MDM2: variants seen among roughly 807,000 people sequenced by gnomAD.
MDM2 encodes the protein MDM2 proto-oncogene, also known as E3 ubiquitin-protein ligase Mdm2.
Under a neutral mutation model 64.3 loss-of-function variants are expected in MDM2, and 11 were observed. That is an observed-to-expected ratio of 0.17 (90% confidence interval 0.11 to 0.28). The LOEUF is 0.28. Ranked by LOEUF, MDM2 falls within the 10% of genes least tolerant of loss-of-function variation. The probability of loss-of-function intolerance (pLI) is 1.00; values close to 1 mark genes in which losing one functional copy is unlikely to be tolerated. For synonymous variants in MDM2, 194 were observed against 192.9 expected (o/e 1.01, Z -0.05); for missense variants, 388 against 577.1 (o/e 0.67, Z 3.36).
At chr12:68,822,371 C>CTTTTTTT (rs142480058) in intron 5 of MDM2, among the ~76,000 whole-genome samples, 8 of 146,092 alleles carry the variant, frequency 5.5e-5, no homozygotes, top group African/African-American at 2.0e-4. Context: ...TTTTAAAGCT[C>CTTTTTTT]TTTTTTTTTT....
chr12:68,836,760 A>G lies in MDM2; in HGVS notation c.918+11A>G, dbSNP rs1249708320. The G allele has an allele frequency of 1.3e-6, 2 of 1,570,590 alleles. No individual in the cohort carries two copies. Among genetic ancestry groups the G allele is most frequent in the Non-Finnish European group, 1.7e-6 (2 of 1,143,304 alleles). On this transcript the variant is annotated intron_variant, in intron 10 of 10. Transcript: ENST00000258149. ...GAAATTTCCTTAGCTGTAAGTATAC[A>G]TCTACTTTTTTAAGAAATAAAAATT...
At chr12:68,832,279 A>G (rs1178818759) in intron 8 of MDM2, among the ~76,000 whole-genome samples, 1 of 152,092 alleles carries the variant, frequency 6.6e-6, no homozygotes, top group African/African-American at 2.4e-5. Flanking sequence ...GGTTTAATAA[A>G]TTGTGGGAAA....
intron 8 of MDM2, among the ~76,000 whole-genome samples, chr12:68,831,120 G>T (rs929298947): frequency 6.6e-6 from 1 of 152,170 alleles, no homozygotes; most frequent in Non-Finnish European, 1.5e-5. Context: ...GCTTTGAGGA[G>T]TAGAGGAACA....
chr12:68,820,479 TTTAA>T (rs1881753642), intron 5 of MDM2, 105 bp downstream of exon 5: 1 of 854,492 alleles, frequency 1.2e-6, no homozygotes, highest in Non-Finnish European at 1.9e-6. Context: ...TAAAAGTTGC[TTTAA>T]TTAAATATTG....
chr12:68,829,793 A>G (rs1882647977), intron 8 of MDM2, among the ~76,000 whole-genome samples: 1 of 150,904 alleles, frequency 6.6e-6, no homozygotes, highest in Non-Finnish European at 1.5e-5. Flanking sequence ...ATGCAGGTTT[A>G]TTATTGCATG....
At chr12:68,832,760 T>G (rs745991401) in intron 8 of MDM2, among the ~76,000 whole-genome samples, 4 of 151,868 alleles carry the variant, frequency 2.6e-5, no homozygotes, top group Non-Finnish European at 5.9e-5. Context: ...CTTATGTGAT[T>G]CTCCTGCTTT....
At chr12:68,834,536 A>G (rs547601727) in intron 8 of MDM2, among the ~76,000 whole-genome samples, 1 of 152,234 alleles carries the variant, frequency 6.6e-6, no homozygotes, top group South Asian at 2.1e-4. Context: ...CAGGAGTTCA[A>G]GACCAGCCTG....
chr12:68,819,656 TA>T (rs2136127085), intron 4 of MDM2, among the ~76,000 whole-genome samples: 1 of 152,260 alleles, frequency 6.6e-6, no homozygotes, highest in South Asian at 2.1e-4. Flanking sequence ...CATGCCCAGC[TA>T]ATTTTATATT....
chr12:68,823,124 T>G (rs1882003085), intron 5 of MDM2, among the ~76,000 whole-genome samples: 1 of 152,208 alleles, frequency 6.6e-6, no homozygotes, highest in Admixed American at 6.6e-5. Context: ...TAACCTATTA[T>G]GTACAACTTA....
At chr12:68,847,818 T>G (rs572500778), downstream of MDM2, 1 of 152,212 alleles carries the variant, frequency 6.6e-6, no homozygotes, top group African/African-American at 2.4e-5. Context: ...TGATTGGCAT[T>G]GAAAGCAACT....
Position 68,842,606 on chromosome 12 carries a change from A to T in MDM2, c.*2757A>T, listed in dbSNP as rs1216555811. 6.8e-6 allele frequency: 2 copies of T among 294,540 alleles called. No individual in the cohort carries two copies. The highest frequency in any genetic ancestry group is 6.6e-6 in the Non-Finnish European group (1 of 151,560). The allele number at this position is 294,540 out of a possible 1,614,324, so 18.2% of individuals were successfully genotyped here. The stretch of plus-strand genomic sequence containing the variant: ...GATATGTTTGTAAATACAGAAGTGA[A>T]ATGTGGACATAAAATAGTTACGCTA... On this transcript the variant is annotated 3_prime_UTR_variant, in exon 11 of 11. Transcript: ENST00000258149.
intron 8 of MDM2, among the ~76,000 whole-genome samples, chr12:68,832,689 CTT>C (rs570742144): frequency 6.8e-6 from 1 of 146,048 alleles, no homozygotes; most frequent in Admixed American, 6.9e-5. Flanking sequence ...ATTTTTTTTA[CTT>C]TTTTTTTTTC....
Position 68,843,264 on chromosome 12 carries a change from G to A in MDM2, c.*3415G>A. ...AAATAATGCTTTGAGGACCTCCAAA[G>A]GTAAAAGTACTAATCCCTTTGGCCA... On this transcript the variant is annotated 3_prime_UTR_variant, in exon 11 of 11. Coordinates refer to ENST00000258149, the MANE Select transcript of MDM2 (RefSeq NM_002392.6). 4.4e-6 allele frequency: 1 copy of A among 226,800 alleles called. No individual in the cohort carries two copies. The highest frequency in any genetic ancestry group is 6.4e-5 in the East Asian group (1 of 15,740). 14.0% of individuals were successfully genotyped at this position (226,800 alleles called of 1,614,324 possible).
rs752932923 is a variant in MDM2, at chr12:68,835,924, C to A, written c.780C>A (p.Leu260=). 1 of 1,613,514 alleles carries A rather than the reference C, an allele frequency of 6.2e-7. No homozygotes were observed. The highest frequency in any genetic ancestry group is 8.5e-7 in the Non-Finnish European group (1 of 1,179,634). ...QFSVEFEVES[L]DSEDYSLSEE... is the part of the protein sequence containing the mutation. Reference sequence around the variant, plus strand: ...GTGTAGAATTTGAAGTTGAATCTCTCGACTCAGAAGATTATAGCCTTAGTG... The same window carrying A: ...GTGTAGAATTTGAAGTTGAATCTCTAGACTCAGAAGATTATAGCCTTAGTG... Residue 260 remains leucine, a synonymous_variant, in exon 9 of 11, where the codon CTC becomes CTA. Transcript: ENST00000258149.
rs1883266721 is a variant in MDM2, at chr12:68,835,846, A to G, written c.702A>G (p.Val234=). Residue 234 remains valine, a synonymous_variant, in exon 9 of 11, where the codon GTA becomes GTG. Transcript: ENST00000258149. ...TPSNPDLDAG[V]SEHSGDWLDQ... ...TGTTTTAGGATCTTGATGCTGGTGT[A>G]AGTGAACATTCAGGTGATTGGTTGG... is the stretch of plus-strand genomic sequence containing the variant. 3.1e-6 allele frequency: 5 copies of G among 1,612,802 alleles called. No homozygotes were observed. The highest frequency in any genetic ancestry group is 4.2e-6 in the Non-Finnish European group (5 of 1,179,394).
chr12:68,813,903 A>C (rs1881129270), intron 3 of MDM2, among the ~76,000 whole-genome samples: 3 of 152,214 alleles, frequency 2.0e-5, no homozygotes, highest in Admixed American at 1.3e-4. Context: ...TCCCAGAATC[A>C]TGTTTTTAAA....
chr12:68,813,845 G>A (rs972997260), intron 3 of MDM2, among the ~76,000 whole-genome samples: 18 of 152,152 alleles, frequency 1.2e-4, no homozygotes, highest in East Asian at 1.9e-4. Flanking sequence ...TGGAAGCCCC[G>A]TAAGGGTGCT....
At chr12:68,848,906 T>C (rs966026826), downstream of MDM2, 1 of 151,626 alleles carries the variant, frequency 6.6e-6, no homozygotes, top group African/African-American at 2.4e-5. Flanking sequence ...AGAGGCAGGG[T>C]TTCACTATAT....
rs1394607390 is a variant in MDM2, at chr12:68,820,307, T to G, written c.309-18T>G. The G allele has an allele frequency of 3.9e-6, 6 of 1,554,862 alleles. No individual in the cohort carries two copies. In the East Asian group the frequency reaches 1.1e-4, roughly 29 times the overall value. On this transcript the variant is annotated intron_variant, in intron 4 of 10. Coordinates refer to ENST00000258149, the MANE Select transcript of MDM2 (RefSeq NM_002392.6). Reference sequence around the variant, plus strand: ...AAAATGTACATCTCTTGTTATTTTTTTTTTTTCTGTCTACAAGGAAAATAT... The same window carrying G: ...AAAATGTACATCTCTTGTTATTTTTGTTTTTTCTGTCTACAAGGAAAATAT...
Sources: allele counts gnomAD v4.1 joint callset (sites outside exome capture counted in the v4.1 genomes callset), GRCh38; gene constraint gnomAD v4.1.1; transcripts MANE v1.5; gene names NCBI Gene and HGNC (gene_info 2026-07-23, HGNC 2026-07-21).